The following P2RX1 variants were observed in gnomAD, a reference collection of about 807,000 sequenced individuals.
P2RX1 encodes P2X purinoceptor 1.
Under a neutral mutation model 50.3 loss-of-function variants are expected in P2RX1, and 42 were observed. The observed-to-expected ratio is 0.83, with a 90% CI of 0.65 to 1.08. The LOEUF is 1.08. Ranked by LOEUF, P2RX1 falls within the 50% of genes least tolerant of loss-of-function variation. P2RX1 has a pLI of 0.00. For missense variants in P2RX1, 449 were observed against 529.0 expected (o/e 0.85, Z 1.48); for synonymous variants, 199 against 202.6 (o/e 0.98, Z 0.15).
chr17:3,915,903 G>C (rs773438233), intron 1 of P2RX1, 186 bp downstream of exon 1: 1 of 769,402 alleles, frequency 1.3e-6, no homozygotes, highest in African/African-American at 1.7e-5. Context: ...CTTCCCCTCC[G>C]GCCTCGTCCC....
At chr17:3,915,942 C>T (rs2052398815) in intron 1 of P2RX1, 147 bp downstream of exon 1, 3 of 999,364 alleles carry the variant, frequency 3.0e-6, no homozygotes, top group African/African-American at 1.6e-5. Flanking sequence ...GCAGGATTTT[C>T]TATTCTCGCA....
intron 1 of P2RX1, among the ~76,000 whole-genome samples, chr17:3,907,576 T>G (rs1341678894): frequency 6.6e-6 from 1 of 152,116 alleles, no homozygotes; most frequent in Non-Finnish European, 1.5e-5. Flanking sequence ...ACCAATGTCC[T>G]CTTCTTTCTT....
Position 3,898,080 on chromosome 17 carries a change from G to A in P2RX1, c.1063C>T (p.His355Tyr), listed in dbSNP as rs370545320. 8.1e-6 allele frequency: 13 copies of A among 1,613,462 alleles called. No individual in the cohort carries two copies. The highest frequency in any genetic ancestry group is 1.6e-4 in the Middle Eastern group (1 of 6,084). ...TAGTAGTGCCTCTTAGGCAGGATGT[G>A]AAGCAGCAGCAGGTCACAGAGAACT... Reference protein sequence around the residue: ...ATVLCDLLLLHILPKRHYYKQ... With the variant: ...ATVLCDLLLLYILPKRHYYKQ... The change falls in exon 11 of 12, where the codon CAC becomes TAC. Residue 355 changes from histidine to tyrosine, a missense_variant. Coordinates refer to ENST00000225538, the MANE Select transcript of P2RX1 (RefSeq NM_002558.4).
chr17:3,902,756 C>T (rs528057483), intron 7 of P2RX1, among the ~76,000 whole-genome samples: 12 of 151,806 alleles, frequency 7.9e-5, no homozygotes, highest in South Asian at 2.1e-4. Context: ...TACAGGTGCG[C>T]GTCACCATGC....
At chr17:3,915,607 C>G (rs118088863) in intron 1 of P2RX1, 1 of 457,114 alleles carries the variant, frequency 2.2e-6, no homozygotes, top group Non-Finnish European at 4.4e-6. Context: ...TTCTCTGCTC[C>G]GGGGGCCTCA....
chr17:3,904,623 G>T (rs533237579), intron 3 of P2RX1: 105 of 628,252 alleles, frequency 1.7e-4, no homozygotes, highest in African/African-American at 1.6e-3. Flanking sequence ...TCAGCTGGGC[G>T]GTGGGGGTGG....
At position 3,914,965 on chromosome 17, in the gene P2RX1, T is replaced by C. The variant is rs2056424353; in HGVS notation, c.137+1124A>G. 6.6e-6 allele frequency among the ~76,000 whole-genome samples: 1 copy of C among 152,122 alleles called. No homozygotes were observed. Among genetic ancestry groups the C allele is most frequent in the South Asian group, 2.1e-4 (1 of 4,824 alleles). ...GACTGGTGGGACAGAAGGAGGGCTC[T>C]TTTGGACGCCAGAAGTTTCCGGGGG... On this transcript the variant is annotated intron_variant, in intron 1 of 11. Transcript: ENST00000225538. This position sits in a 1 kb window ranked among gnomAD's most constrained non-coding sequence, Gnocchi z 4.1.
intron 1 of P2RX1, among the ~76,000 whole-genome samples, chr17:3,908,745 T>C (rs913909282): frequency 2.0e-5 from 3 of 152,166 alleles, no homozygotes; most frequent in Admixed American, 2.0e-4. Flanking sequence ...TTCTACCTCG[T>C]CATCAGCAAT....
Position 3,903,351 on chromosome 17 carries a change from G to A in P2RX1, c.606-8C>T, listed in dbSNP as rs766843406. On this transcript the variant is annotated splice_region_variant and splice_polypyrimidine_tract_variant and intron_variant, in intron 6 of 11. Transcript: ENST00000225538. This position sits in a 1 kb window ranked among gnomAD's most constrained non-coding sequence, Gnocchi z 4.6. ...TCCTCCACCAGGTTGCGCCTGTGGG[G>A]GTGGAAGGTGTTGACAGCTGCTGTG... 1.2e-6 allele frequency: 2 copies of A among 1,613,882 alleles called. No homozygotes were observed. Among genetic ancestry groups the A allele is most frequent in the Non-Finnish European group, 1.7e-6 (2 of 1,180,022 alleles).
Position 3,916,135 on chromosome 17 carries a change from C to G in P2RX1, c.91G>C (p.Val31Leu). Residue 31 changes from valine to leucine, a missense_variant, in exon 1 of 12, where the codon GTT becomes CTT. Transcript: ENST00000225538. ...MVLVRNKKVG[V>L]IFRLIQLVVL... The stretch of plus-strand genomic sequence containing the variant: ...ACCAGCTGGATCAGTCGGAAGATAA[C>G]GCCCACCTTCTTATTACGCACCAGC... The G allele has an allele frequency of 1.2e-6, 2 of 1,613,668 alleles. No homozygotes were observed. Among genetic ancestry groups the G allele is most frequent in the Non-Finnish European group, 1.7e-6 (2 of 1,180,014 alleles).
At chr17:3,901,349 G>C (rs138255573) in intron 7 of P2RX1, among the ~76,000 whole-genome samples, 4 of 152,226 alleles carry the variant, frequency 2.6e-5, no homozygotes, top group South Asian at 4.1e-4. Flanking sequence ...TTACAGGCGT[G>C]AGCCACCGCA....
chr17:3,905,064 A>C, intron 2 of P2RX1, 135 bp from the exon 3 acceptor site: 1 of 1,158,988 alleles, frequency 8.6e-7, no homozygotes, highest in South Asian at 1.3e-5. Flanking sequence ...CCTGCCACCA[A>C]CATGGGGTGA....
chr17:3,904,262 C>T (rs1358421728), intron 4 of P2RX1, 68 bp downstream of exon 4: 1 of 1,460,594 alleles, frequency 6.8e-7, no homozygotes, highest in Non-Finnish European at 9.6e-7. Context: ...CAGCACCAAG[C>T]TGGGCCTGCA....
At position 3,897,523 on chromosome 17, in the gene P2RX1, C is replaced by A; in HGVS notation, c.*291G>T. 1 of 541,954 alleles carries A rather than the reference C, an allele frequency of 1.8e-6. No individual in the cohort carries two copies. The highest frequency in any genetic ancestry group is 3.2e-5 in the East Asian group (1 of 31,684). 33.6% of individuals were successfully genotyped at this position (541,954 alleles called of 1,614,324 possible). ...GATAATGAGAGTCCGGAGAGAGAAG[C>A]ACGAAGCTAGGGTGCAGGTGTGTGG... On this transcript the variant is annotated 3_prime_UTR_variant, in exon 12 of 12. Transcript: ENST00000225538.
chr17:3,915,448 C>A (rs1320843426), intron 1 of P2RX1: 1 of 456,488 alleles, frequency 2.2e-6, no homozygotes, highest in Admixed American at 2.3e-5. Flanking sequence ...CAGGAGCGTC[C>A]CACGCTGCCT....
At chr17:3,904,193 G>A in intron 4 of P2RX1, 137 bp downstream of exon 4, 3 of 1,012,706 alleles carry the variant, frequency 3.0e-6, no homozygotes, top group Non-Finnish European at 4.6e-6. Flanking sequence ...AGGGGAGACG[G>A]CAGGAGGGAG....
At position 3,903,243 on chromosome 17, in the gene P2RX1, C is replaced by A; in HGVS notation, c.706G>T (p.Val236Leu). Residue 236 changes from valine to leucine, a missense_variant, in exon 7 of 12, where the codon GTG (valine) becomes TTG (leucine). Val to Leu is a conservative substitution (Grantham distance 32). Transcript: ENST00000225538. This position sits in a 1 kb window ranked among gnomAD's most constrained non-coding sequence, Gnocchi z 4.6. ...CTGAAGTTCTGGCCTGACTCTTGCA[C>A]CACGTAGCCAAGCTGGAAGACTGGG... ...LCPVFQLGYV[V>L]QESGQNFSTL... The A allele has an allele frequency of 6.2e-7, 1 of 1,614,152 alleles. No individual in the cohort carries two copies. Among genetic ancestry groups the A allele is most frequent in the Non-Finnish European group, 8.5e-7 (1 of 1,180,034 alleles).
Position 3,898,511 on chromosome 17 carries a change from G to T in P2RX1, c.1005C>A (p.Ile335=), listed in dbSNP as rs140686678. The stretch of plus-strand genomic sequence containing the variant: ...CCCCAAAGATGCCAATTCCAGAGCC[G>T]ATGGTGGTCATTGTAGGGATGATGT... ...KFDIIPTMTT[I]GSGIGIFGVA... Residue 335 remains isoleucine (I), a synonymous_variant, in exon 10 of 12, where the codon ATC becomes ATA. Coordinates refer to ENST00000225538, the MANE Select transcript of P2RX1 (RefSeq NM_002558.4). 4.3e-6 allele frequency: 7 copies of T among 1,613,866 alleles called. No individual in the cohort carries two copies. In the African/African-American group the frequency reaches 5.3e-5, roughly 12 times the overall value.
intron 1 of P2RX1, among the ~76,000 whole-genome samples, chr17:3,907,400 C>A (rs917924911): frequency 6.6e-6 from 1 of 151,186 alleles, no homozygotes. Flanking sequence ...GATGTATCAT[C>A]CCCCTCCACT....
Sources: gnomAD v4.1 joint callset for allele counts (sites outside exome capture counted in the v4.1 genomes callset) on GRCh38, gnomAD v4.1.1 for gene constraint, Gnocchi (gnomAD v3.1) non-coding constraint, MANE v1.5 for transcripts, NCBI Gene and HGNC (gene_info 2026-07-23, HGNC 2026-07-21) for gene names.